Variants in CHST11 observed in about 807,000 individuals in gnomAD.
The protein encoded by CHST11 is C4S-1.
CHST11 carries 9 observed loss-of-function variants against 30.4 expected under a neutral mutation model. That is an observed-to-expected ratio of 0.30 (90% CI 0.18 to 0.52). CHST11 has a LOEUF of 0.52. CHST11 is among the 20% of genes least tolerant of loss of function. The pLI is 0.97. For missense variants in CHST11, 348 were observed against 460.6 expected (o/e 0.76, Z 2.24); for synonymous variants, 152 against 187.8 (o/e 0.81, Z 1.56).
rs1286645407 is a variant in CHST11, at chr12:104,459,183, T to C, written c.118+1654T>C. ...CCCAAACCTGCGGTTGTGAAACTTA[T>C]AAAGGAATTTAAAAATGGACCTGGC... On this transcript the variant is annotated intron_variant, in intron 1 of 2. Coordinates refer to ENST00000303694, the MANE Select transcript of CHST11 (RefSeq NM_018413.6). 2.6e-5 allele frequency among the ~76,000 whole-genome samples: 4 copies of C among 152,194 alleles called. No individual in the cohort carries two copies. In the East Asian group the frequency reaches 7.7e-4, roughly 29 times the overall value.
chr12:104,573,937 G>A (rs1202444438), intron 1 of CHST11, among the ~76,000 whole-genome samples: 1 of 152,112 alleles, frequency 6.6e-6, no homozygotes, highest in Admixed American at 6.6e-5. Context: ...TACAGAATGG[G>A]AGAAAATTTT....
chr12:104,633,928 C>T (rs2039297973), intron 2 of CHST11, among the ~76,000 whole-genome samples: 1 of 152,132 alleles, frequency 6.6e-6, no homozygotes, highest in Admixed American at 6.5e-5. Flanking sequence ...CCTCCACATT[C>T]TTTCTAGGGG....
At chr12:104,687,396 C>T (rs1274122129) in intron 2 of CHST11, among the ~76,000 whole-genome samples, 1 of 152,248 alleles carries the variant, frequency 6.6e-6, no homozygotes, top group African/African-American at 2.4e-5. Context: ...ATTTATTGAG[C>T]ACTTACTATG....
At chr12:104,468,556 C>T (rs1186254507) in intron 1 of CHST11, among the ~76,000 whole-genome samples, 1 of 152,162 alleles carries the variant, frequency 6.6e-6, no homozygotes, top group East Asian at 1.9e-4. Flanking sequence ...TAAAGATTGG[C>T]GAGAATGATT....
chr12:104,708,117 A>C (rs1233988944), intron 2 of CHST11, among the ~76,000 whole-genome samples: 1 of 152,160 alleles, frequency 6.6e-6, no homozygotes, highest in Non-Finnish European at 1.5e-5. Context: ...TCAGATGTGC[A>C]CCCTGGCAAG....
intron 2 of CHST11, among the ~76,000 whole-genome samples, chr12:104,749,210 T>G (rs2136144265): frequency 6.6e-6 from 1 of 152,266 alleles, no homozygotes; most frequent in East Asian, 1.9e-4. Flanking sequence ...AATCCAAGAA[T>G]CTCCCTCCTG....
At position 104,761,434 on chromosome 12, in the gene CHST11, C is replaced by T. The variant is rs1047119824; in HGVS notation, c.*3631C>T. On this transcript the variant is annotated 3_prime_UTR_variant, in exon 3 of 3. Coordinates refer to ENST00000303694, the MANE Select transcript of CHST11 (RefSeq NM_018413.6). The stretch of plus-strand genomic sequence containing the variant: ...AGAGTTGGCAGAAGAAGCAGAGGCA[C>T]TCTGCTTGCTTTCCTAGCCAGTCCT... 6.6e-6 allele frequency: 1 copy of T among 151,002 alleles called. No individual in the cohort carries two copies. Among genetic ancestry groups the T allele is most frequent in the African/African-American group, 2.5e-5 (1 of 40,262 alleles). 9.4% of individuals were successfully genotyped at this position (151,002 alleles called of 1,614,324 possible). A position where few individuals can be genotyped will look rare whatever the true frequency, so the allele number is the denominator to read the frequency against.
At chr12:104,666,078 A>G (rs1005760143) in intron 2 of CHST11, among the ~76,000 whole-genome samples, 4 of 151,940 alleles carry the variant, frequency 2.6e-5, no homozygotes, top group African/African-American at 9.7e-5. Context: ...TCGGCCTCCC[A>G]AAGTGCTGGG....
intron 2 of CHST11, among the ~76,000 whole-genome samples, chr12:104,680,130 G>C (rs1016722742): frequency 6.6e-6 from 1 of 152,240 alleles, no homozygotes; most frequent in Admixed American, 6.5e-5. Context: ...AGTGCATAAG[G>C]CTGTGTAATC....
At chr12:104,720,332 G>A (rs12317436) in intron 2 of CHST11, among the ~76,000 whole-genome samples, 2,667 of 152,348 alleles carry the variant, frequency 0.018, 91 homozygotes, top group African/African-American at 0.062. Flanking sequence ...GAGGAAGGCC[G>A]AGTTGCTCCC....
chr12:104,472,716 G>A (rs1386169815), intron 1 of CHST11, among the ~76,000 whole-genome samples: 5 of 152,334 alleles, frequency 3.3e-5, no homozygotes, highest in African/African-American at 9.6e-5. Context: ...GGCCAGATGC[G>A]ATTGCTGTTA....
intron 1 of CHST11, among the ~76,000 whole-genome samples, chr12:104,572,261 A>G (rs535350508): frequency 1.6e-4 from 25 of 151,758 alleles, no homozygotes; most frequent in African/African-American, 5.3e-4. Flanking sequence ...CTCTTTTTCT[A>G]TTGATTGGAA....
At position 104,676,896 on chromosome 12, in the gene CHST11, C is replaced by T. The variant is rs912381180; in HGVS notation, c.204+74905C>T. ...GCCTAGCACAGATGGCCATTCTCAT[C>T]GTGCCAGGGTGCTGGCACATTCTTG... On this transcript the variant is annotated intron_variant, in intron 2 of 2. Transcript: ENST00000303694. This position sits in a 1 kb window ranked among gnomAD's most constrained non-coding sequence, Gnocchi z 4.4. 1.3e-5 allele frequency among the ~76,000 whole-genome samples: 2 copies of T among 152,222 alleles called. No homozygotes were observed. Among genetic ancestry groups the T allele is most frequent in the Non-Finnish European group, 2.9e-5 (2 of 68,046 alleles).
intron 2 of CHST11, among the ~76,000 whole-genome samples, chr12:104,719,737 C>G (rs544109988): frequency 1.3e-3 from 201 of 152,330 alleles, no homozygotes; most frequent in Admixed American, 2.5e-3. Context: ...GCATGGCCAG[C>G]CGGCCCTGGC....
intron 2 of CHST11, among the ~76,000 whole-genome samples, chr12:104,702,828 C>T (rs757569651): frequency 1.1e-4 from 16 of 152,188 alleles, no homozygotes; most frequent in Non-Finnish European, 1.8e-4. Flanking sequence ...GACAGCGGGT[C>T]GGCGAGAGTC....
chr12:104,544,769 T>TCCCCCCCCGCCCCC (rs199741884), intron 1 of CHST11, among the ~76,000 whole-genome samples: 7 of 51,444 alleles, frequency 1.4e-4, no homozygotes, highest in African/African-American at 2.1e-4. Flanking sequence ...GGGGTCACAG[T>TCCCCCCCCGCCCCC]CCCCCCACCC....
At chr12:104,463,582 A>C (rs938645523) in intron 1 of CHST11, among the ~76,000 whole-genome samples, 3 of 152,178 alleles carry the variant, frequency 2.0e-5, no homozygotes, top group Non-Finnish European at 4.4e-5. Flanking sequence ...CATGGAACTT[A>C]GATTCTAGTG....
chr12:104,468,088 AAT>A (rs1270349854), intron 1 of CHST11, among the ~76,000 whole-genome samples: 1 of 152,002 alleles, frequency 6.6e-6, no homozygotes, highest in Non-Finnish European at 1.5e-5. Context: ...ATGGATATTA[AAT>A]TATAGAGTAT....
Position 104,529,910 on chromosome 12 carries a change from C to A in CHST11, c.119-71996C>A, listed in dbSNP as rs191304084. On this transcript the variant is annotated intron_variant, in intron 1 of 2. Coordinates refer to ENST00000303694, the MANE Select transcript of CHST11 (RefSeq NM_018413.6). Reference sequence around the variant, plus strand: ...CGGTGGCTCATGCCTGTAATCCCAACACTTTGGGAGGCTGAGGTGGGCGGA... The same window carrying A: ...CGGTGGCTCATGCCTGTAATCCCAAAACTTTGGGAGGCTGAGGTGGGCGGA... Among the ~76,000 whole-genome samples the A allele has an allele frequency of 2.9e-3, 441 of 152,262 alleles. 2 individuals are homozygous for A. The highest frequency in any genetic ancestry group is 5.5e-3 in the Non-Finnish European group (375 of 68,028).
Sources: allele counts gnomAD v4.1 joint callset (sites outside exome capture counted in the v4.1 genomes callset), GRCh38; gene constraint gnomAD v4.1.1; non-coding constraint Gnocchi (gnomAD v3.1); transcripts MANE v1.5; gene names NCBI Gene and HGNC (gene_info 2026-07-23, HGNC 2026-07-21).